TMEM232: variants seen among roughly 807,000 people sequenced by gnomAD.
The protein encoded by TMEM232 is transmembrane protein 232.
A neutral mutation model predicts 78.8 loss-of-function variants in TMEM232; 80 were observed. The ratio of observed to expected loss-of-function variants is 1.01; its 90% CI spans 0.85 to 1.22. TMEM232 has a LOEUF of 1.22. TMEM232 is among the 50% of genes most tolerant of loss of function. The probability of loss-of-function intolerance (pLI) is 0.00; values close to 1 mark genes in which losing one functional copy is unlikely to be tolerated. For synonymous variants in TMEM232, 297 were observed against 254.3 expected (o/e 1.17, Z -1.60); for missense variants, 881 against 742.2 (o/e 1.19, Z -2.17).
At chr5:110,423,757 A>C (rs2112628470) in intron 13 of TMEM232, among the ~76,000 whole-genome samples, 1 of 150,930 alleles carries the variant, frequency 6.6e-6, no homozygotes, top group East Asian at 2.0e-4. Context: ...CCCTAGACAG[A>C]CCAAAGTAGT....
chr5:110,594,836 A>T (rs1347293790), intron 10 of TMEM232, among the ~76,000 whole-genome samples: 1 of 152,156 alleles, frequency 6.6e-6, no homozygotes, highest in Non-Finnish European at 1.5e-5. Context: ...AAGGGTAGCT[A>T]TTGGCGCAGC....
chr5:110,480,176 G>A (rs1298985488), intron 12 of TMEM232, among the ~76,000 whole-genome samples: 2 of 151,562 alleles, frequency 1.3e-5, no homozygotes, highest in Middle Eastern at 3.2e-3. Flanking sequence ...GTCTACTTCA[G>A]TGTTACTTAA....
At chr5:110,661,447 G>C (rs1789786531) in intron 2 of TMEM232, among the ~76,000 whole-genome samples, 1 of 151,964 alleles carries the variant, frequency 6.6e-6, no homozygotes, top group African/African-American at 2.4e-5. Context: ...TGGGTAGCTG[G>C]GACTACAGGT....
chr5:110,487,181 A>AACTT (rs1187143172), intron 12 of TMEM232, among the ~76,000 whole-genome samples: 2 of 152,038 alleles, frequency 1.3e-5, no homozygotes, highest in Non-Finnish European at 2.9e-5. Context: ...ACTTTGCTGA[A>AACTT]TTCTTTTCTC....
intron 4 of TMEM232, 136 bp from the exon 5 acceptor site, chr5:110,638,491 T>C: frequency 1.2e-6 from 1 of 851,306 alleles, no homozygotes; most frequent in Non-Finnish European, 1.8e-6. Flanking sequence ...AAATTCTCTT[T>C]GACACCTTTC....
intron 1 of TMEM232, among the ~76,000 whole-genome samples, chr5:110,680,396 C>CA (rs1189611727): frequency 0.23 from 5,533 of 23,988 alleles, 867 homozygotes; most frequent in East Asian, 0.3. Context: ...GACTCTATCT[C>CA]AAAAAAAAAA....
chr5:110,647,134 G>A (rs1787610020), intron 2 of TMEM232, among the ~76,000 whole-genome samples: 1 of 151,880 alleles, frequency 6.6e-6, no homozygotes, highest in African/African-American at 2.4e-5. Context: ...TGCAAGCATT[G>A]TATGTGTACA....
At chr5:110,454,574 C>T (rs1426141344) in intron 12 of TMEM232, among the ~76,000 whole-genome samples, 2 of 151,222 alleles carry the variant, frequency 1.3e-5, no homozygotes, top group Non-Finnish European at 2.9e-5. Flanking sequence ...TCTAAATAAC[C>T]TATGAGTCAA....
intron 1 of TMEM232, among the ~76,000 whole-genome samples, chr5:110,677,142 G>C (rs1792125858): frequency 6.6e-6 from 1 of 152,092 alleles, no homozygotes; most frequent in Admixed American, 6.6e-5. Flanking sequence ...CTGACGATTA[G>C]TGATGCAGAG....
intron 10 of TMEM232, among the ~76,000 whole-genome samples, chr5:110,584,856 T>C (rs1243404298): frequency 1.3e-5 from 2 of 152,114 alleles, no homozygotes; most frequent in Non-Finnish European, 2.9e-5. Flanking sequence ...TTAATTAAGA[T>C]AGGAAGCCTA....
chr5:110,442,234 T>G (rs1217175151), intron 12 of TMEM232, among the ~76,000 whole-genome samples: 1 of 151,842 alleles, frequency 6.6e-6, no homozygotes, highest in East Asian at 1.9e-4. Context: ...TACTTTCTCT[T>G]TAAGGCCAAT....
chr5:110,711,533 C>G (rs1796476861), intron 1 of TMEM232, among the ~76,000 whole-genome samples: 1 of 152,054 alleles, frequency 6.6e-6, no homozygotes, highest in Admixed American at 6.6e-5. Context: ...TTCAAATATA[C>G]TTCAAATTAT....
At chr5:110,699,051 CAAACAAAACA>C (rs139878818) in intron 1 of TMEM232, among the ~76,000 whole-genome samples, 4,566 of 149,998 alleles carry the variant, frequency 0.03, 237 homozygotes, top group African/African-American at 0.11. Context: ...AGGACAAAAA[CAAACAAAACA>C]AAACAAAACA....
chr5:110,500,160 C>T (rs968499607), intron 12 of TMEM232, among the ~76,000 whole-genome samples: 2 of 151,364 alleles, frequency 1.3e-5, no homozygotes, highest in Non-Finnish European at 2.9e-5. Context: ...GGTGTGGTGG[C>T]GGGTGCCTGT....
At chr5:110,690,623 G>C (rs1361676255) in intron 1 of TMEM232, among the ~76,000 whole-genome samples, 2 of 151,940 alleles carry the variant, frequency 1.3e-5, no homozygotes, top group Admixed American at 6.6e-5. Context: ...CCCATTACTG[G>C]GTATATACCC....
intron 11 of TMEM232, among the ~76,000 whole-genome samples, chr5:110,560,343 A>G (rs1775596782): frequency 6.6e-6 from 1 of 152,160 alleles, no homozygotes; most frequent in African/African-American, 2.4e-5. Context: ...CCAGAAATAC[A>G]TAAACATTTG....
At chr5:110,474,370 T>C (rs1001029229) in intron 12 of TMEM232, among the ~76,000 whole-genome samples, 4 of 151,904 alleles carry the variant, frequency 2.6e-5, no homozygotes, top group African/African-American at 7.2e-5. Context: ...TACAGCTAAT[T>C]GTTTAATGTA....
chr5:110,604,824 G>A (rs1039067331), intron 10 of TMEM232, among the ~76,000 whole-genome samples: 1 of 152,064 alleles, frequency 6.6e-6, no homozygotes, highest in African/African-American at 2.4e-5. Flanking sequence ...CAGGCATGGT[G>A]GCGAGTGCCT....
intron 13 of TMEM232, among the ~76,000 whole-genome samples, chr5:110,423,780 C>CGTGTGT (rs146104536): frequency 0.052 from 7,352 of 142,418 alleles, 351 homozygotes; most frequent in East Asian, 0.19. Context: ...TTTATGCGTG[C>CGTGTGT]GTGTGTGTGT....
Sources: allele counts gnomAD v4.1 joint callset (sites outside exome capture counted in the v4.1 genomes callset), GRCh38; gene constraint gnomAD v4.1.1; transcripts MANE v1.5; gene names NCBI Gene and HGNC (gene_info 2026-07-23, HGNC 2026-07-21).